DENND11: variants seen among roughly 807,000 people sequenced by gnomAD.
The protein encoded by DENND11 is DENN domain-containing protein 11.
Under a neutral mutation model 49.2 loss-of-function variants are expected in DENND11, and 34 were observed. The observed-to-expected ratio is 0.69, with a 90% CI of 0.53 to 0.92. The LOEUF (loss-of-function observed/expected upper bound fraction) is 0.92, where lower values mean the gene tolerates loss of function less well. Among genes scored for constraint, DENND11 ranks in the 40% least tolerant of loss-of-function variants. DENND11 has a pLI of 0.00. For synonymous variants in DENND11, 238 were observed against 230.3 expected (o/e 1.03, Z -0.30); for missense variants, 475 against 581.6 (o/e 0.82, Z 1.88).
chr7:141,664,948 G>A lies in DENND11; in HGVS notation c.1059C>T (p.Ile353=), dbSNP rs377652103. 17 of 1,613,398 alleles carry A rather than the reference G, an allele frequency of 1.1e-5. No homozygotes were observed. Among genetic ancestry groups the A allele is most frequent in the Non-Finnish European group, 1.4e-5 (16 of 1,179,678 alleles). Residue 353 remains isoleucine (I), a synonymous_variant, in exon 7 of 9, where the codon ATC becomes ATT. Transcript: ENST00000536163. ...GGTACTTCTCCCTGTCAGCACTGTT[G>A]ATCTTCAGCAGCGGCTGCAGGTGGT... ...HHDHLQPLLK[I]NSADREKYRR...
At chr7:141,695,651 CT>C (rs1429503515) in intron 1 of DENND11, among the ~76,000 whole-genome samples, 15 of 152,338 alleles carry the variant, frequency 9.8e-5, no homozygotes, top group East Asian at 1.9e-4. Flanking sequence ...GATATCCTCA[CT>C]GTATTAAGAA....
chr7:141,690,636 T>C (rs1798312834), intron 1 of DENND11, among the ~76,000 whole-genome samples: 1 of 152,232 alleles, frequency 6.6e-6, no homozygotes, highest in African/African-American at 2.4e-5. Flanking sequence ...TCCCTAGGAA[T>C]AGAATTGCTT....
intron 3 of DENND11, among the ~76,000 whole-genome samples, chr7:141,683,587 G>A (rs1798181111): frequency 1.3e-5 from 2 of 152,222 alleles, no homozygotes; most frequent in African/African-American, 4.8e-5. Flanking sequence ...AGGTTGCAGT[G>A]AGCCAAGATC....
At chr7:141,666,258 C>A in intron 5 of DENND11, 29 bp downstream of exon 5, 1 of 1,562,268 alleles carries the variant, frequency 6.4e-7, no homozygotes, top group Non-Finnish European at 8.7e-7. Context: ...GGGATTTAAG[C>A]AGCACTCCTG....
In DENND11 at chr7:141,660,535, A is replaced by C. The variant is rs1797772921; in HGVS notation, c.*2121T>G. The C allele has an allele frequency of 6.6e-6, 1 of 152,278 alleles. No individual in the cohort carries two copies. The highest frequency in any genetic ancestry group is 1.5e-5 in the Non-Finnish European group (1 of 68,050). The allele number at this position is 152,278 out of a possible 1,614,324, so 9.4% of individuals were successfully genotyped here. ...TTTACACCAGCACTTCTGAGCTTGC[A>C]GTTAAAACTGCAGTGTTTGCATATA... On this transcript the variant is annotated 3_prime_UTR_variant, in exon 9 of 9. Transcript: ENST00000536163.
At chr7:141,693,942 C>T (rs966440793) in intron 1 of DENND11, among the ~76,000 whole-genome samples, 4 of 152,108 alleles carry the variant, frequency 2.6e-5, no homozygotes, top group African/African-American at 9.7e-5. Flanking sequence ...AACTGTACAA[C>T]AGTGAACCTT....
At chr7:141,700,054 A>G (rs2117086945) in intron 1 of DENND11, among the ~76,000 whole-genome samples, 1 of 152,286 alleles carries the variant, frequency 6.6e-6, no homozygotes, top group Non-Finnish European at 1.5e-5. Flanking sequence ...CAATTGGCCA[A>G]TATCAATAAT....
intron 1 of DENND11, among the ~76,000 whole-genome samples, chr7:141,688,506 A>G (rs1798278785): frequency 6.6e-6 from 1 of 152,258 alleles, no homozygotes; most frequent in African/African-American, 2.4e-5. Flanking sequence ...CTAAAGTGAA[A>G]AGCATGAAAA....
Position 141,666,434 on chromosome 7 carries a change from A to G in DENND11, c.682-9T>C. The G allele has an allele frequency of 1.9e-6, 3 of 1,594,454 alleles. No homozygotes were observed. The highest frequency in any genetic ancestry group is 2.6e-6 in the Non-Finnish European group (3 of 1,165,784). ...CCAGCTGGGTGTGTGATCTGAAAAA[A>G]TTGAGGGGAATAGGGAGGAGAAAGA... On this transcript the variant is annotated splice_polypyrimidine_tract_variant and intron_variant, in intron 4 of 8. Transcript: ENST00000536163.
chr7:141,669,207 A>G (rs17162409), intron 4 of DENND11, among the ~76,000 whole-genome samples: 16,894 of 144,988 alleles, frequency 0.12, 1,345 homozygotes, highest in East Asian at 0.36. Context: ...AAACATTCCT[A>G]TATCTGACTC....
chr7:141,698,807 A>G (rs1268055681), intron 1 of DENND11, among the ~76,000 whole-genome samples: 1 of 152,146 alleles, frequency 6.6e-6, no homozygotes, highest in African/African-American at 2.4e-5. Context: ...ATGTACAGCT[A>G]TGAATTCTCT....
rs1797707225 is a variant in DENND11 at position 141,657,061 on chromosome 7, T to C, written c.*5595A>G. The C allele has an allele frequency of 6.6e-6, 1 of 152,648 alleles. No homozygotes were observed. Among genetic ancestry groups the C allele is most frequent in the African/African-American group, 2.4e-5 (1 of 41,438 alleles). The allele number at this position is 152,648 out of a possible 1,614,324, so 9.5% of individuals were successfully genotyped here. ...AAACAAAAATAGATTCAGTCTCTCG[T>C]ATTGCTATAACTCTTAGGCTGGGGT... On this transcript the variant is annotated 3_prime_UTR_variant, in exon 9 of 9. Transcript: ENST00000536163.
At chr7:141,672,889 G>A (rs1798004552) in intron 4 of DENND11, among the ~76,000 whole-genome samples, 1 of 152,058 alleles carries the variant, frequency 6.6e-6, no homozygotes, top group African/African-American at 2.4e-5. Flanking sequence ...ATACCTACAT[G>A]GTCTCTTTAC....
At chr7:141,676,534 T>C (rs1562999289) in intron 3 of DENND11, among the ~76,000 whole-genome samples, 1 of 152,188 alleles carries the variant, frequency 6.6e-6, no homozygotes, top group African/African-American at 2.4e-5. Context: ...CCTCAGATAT[T>C]ACTGACTGAT....
chr7:141,668,012 C>A lies in DENND11; in HGVS notation c.682-1587G>T, dbSNP rs1033096960. On this transcript the variant is annotated intron_variant, in intron 4 of 8. Transcript: ENST00000536163. ...ATTTCTCTTCAAAGTCTAACAGCAA[C>A]CAGATAGGAAAGGGTGCCAAAGCAC... Among the ~76,000 whole-genome samples, 56 of 152,224 alleles carry A rather than the reference C, an allele frequency of 3.7e-4. 1 individual carries two copies. The highest frequency in any genetic ancestry group is 1.4e-3 in the African/African-American group (56 of 41,456).
intron 5 of DENND11, 39 bp downstream of exon 5, chr7:141,666,248 G>A: frequency 6.5e-7 from 1 of 1,542,698 alleles, no homozygotes; most frequent in Non-Finnish European, 8.8e-7. Context: ...TTCTGCTCCA[G>A]GGATTTAAGC....
At chr7:141,696,472 C>G (rs1418626135) in intron 1 of DENND11, among the ~76,000 whole-genome samples, 2 of 152,194 alleles carry the variant, frequency 1.3e-5, no homozygotes, top group African/African-American at 4.8e-5. Flanking sequence ...TCTTCTTCCT[C>G]CTCTGTTAGA....
intron 1 of DENND11, among the ~76,000 whole-genome samples, chr7:141,701,217 G>T (rs1798506533): frequency 1.3e-5 from 2 of 152,164 alleles, no homozygotes; most frequent in East Asian, 1.9e-4. Context: ...ATCCGGGGAG[G>T]CTTCTCCTTT....
chr7:141,686,181 A>G (rs956884914), intron 2 of DENND11, among the ~76,000 whole-genome samples: 1 of 152,178 alleles, frequency 6.6e-6, no homozygotes, highest in Non-Finnish European at 1.5e-5. Flanking sequence ...CCCACTACAC[A>G]GGACTAAAAA....
Sources: gnomAD v4.1 joint callset for allele counts (sites outside exome capture counted in the v4.1 genomes callset) on GRCh38, gnomAD v4.1.1 for gene constraint, MANE v1.5 for transcripts, NCBI Gene and HGNC (gene_info 2026-07-23, HGNC 2026-07-21) for gene names.